The following CTIF variants were observed in gnomAD, a reference collection of about 807,000 sequenced individuals.
The protein encoded by CTIF is cap binding complex dependent translation initiation factor.
CTIF carries 21 observed loss-of-function variants against 66.0 expected under a neutral mutation model. The observed-to-expected ratio is 0.32, with a 90% CI of 0.23 to 0.46. CTIF has a LOEUF of 0.46. Among genes scored for constraint, CTIF ranks in the 20% least tolerant of loss-of-function variants. The pLI is 1.00. For missense variants in CTIF, 739 were observed against 812.7 expected (o/e 0.91, Z 1.10); for synonymous variants, 345 against 326.4 (o/e 1.06, Z -0.62).
chr18:48,560,004 A>G (rs2089116286), intron 1 of CTIF, among the ~76,000 whole-genome samples: 1 of 152,186 alleles, frequency 6.6e-6, no homozygotes, highest in Non-Finnish European at 1.5e-5. Flanking sequence ...GTTTATCCCA[A>G]GAATATGAAA....
chr18:48,541,736 G>GT (rs934955281), intron 1 of CTIF, among the ~76,000 whole-genome samples: 9 of 152,164 alleles, frequency 5.9e-5, no homozygotes, highest in African/African-American at 1.9e-4. Flanking sequence ...CAGCAATTTT[G>GT]TAACACATTC....
At chr18:48,710,101 G>C (rs1340785024) in intron 6 of CTIF, among the ~76,000 whole-genome samples, 1 of 152,238 alleles carries the variant, frequency 6.6e-6, no homozygotes, top group South Asian at 2.1e-4. Flanking sequence ...CCATGAGCTT[G>C]GGGGCTGAGC....
At chr18:48,633,941 A>G (rs1164677898) in intron 2 of CTIF, among the ~76,000 whole-genome samples, 1 of 152,198 alleles carries the variant, frequency 6.6e-6, no homozygotes, top group Admixed American at 6.5e-5. Flanking sequence ...GCAGGAAATT[A>G]ACATTGGTAC....
At chr18:48,796,550 C>T (rs573391661) in intron 9 of CTIF, among the ~76,000 whole-genome samples, 2 of 152,038 alleles carry the variant, frequency 1.3e-5, no homozygotes, top group African/African-American at 2.4e-5. Flanking sequence ...GCCTGTGTGC[C>T]GACAAAGGGA....
In CTIF at chr18:48,666,024, G is replaced by C. The variant is rs66795714; in HGVS notation, c.431+1473G>C. Among the ~76,000 whole-genome samples, 809 of 152,312 alleles carry C rather than the reference G, an allele frequency of 5.3e-3. 3 individuals carry two copies. The highest frequency in any genetic ancestry group is 0.027 in the South Asian group (130 of 4,828). ...ATTCTGTTGAACTCTTTGAGGAGCT[G>C]TCAAACTGTGTTCCATAGCAGCTGA... On this transcript the variant is annotated intron_variant, in intron 5 of 11. Coordinates refer to ENST00000256413, the MANE Select transcript of CTIF (RefSeq NM_014772.3).
chr18:48,672,589 C>T (rs1419810600), intron 6 of CTIF, among the ~76,000 whole-genome samples: 1 of 152,182 alleles, frequency 6.6e-6, no homozygotes, highest in Admixed American at 6.5e-5. Flanking sequence ...GATAAGCGGG[C>T]TTCCTAGAGA....
At chr18:48,689,423 C>T (rs2091893741) in intron 6 of CTIF, among the ~76,000 whole-genome samples, 1 of 152,192 alleles carries the variant, frequency 6.6e-6, no homozygotes. Flanking sequence ...TCACATGCTG[C>T]AGCTTGAATT....
At position 48,811,415 on chromosome 18, in the gene CTIF, A is replaced by G. The variant is rs534230402; in HGVS notation, c.1372-5806A>G. Among the ~76,000 whole-genome samples, 17 of 152,190 alleles carry G rather than the reference A, an allele frequency of 1.1e-4. No homozygotes were observed. In the East Asian group the frequency reaches 3.3e-3, roughly 29 times the overall value. On this transcript the variant is annotated intron_variant, in intron 9 of 11. Coordinates refer to ENST00000256413, the MANE Select transcript of CTIF (RefSeq NM_014772.3). ...TTCTTTTTATTTTTTATTATTTTTA[A>G]TTGTAGTTTTAAAATAACATAAAAT...
intron 1 of CTIF, among the ~76,000 whole-genome samples, chr18:48,572,411 AGAG>A (rs1265855415): frequency 6.6e-6 from 1 of 152,186 alleles, no homozygotes; most frequent in Non-Finnish European, 1.5e-5. Flanking sequence ...CTGGGAATGC[AGAG>A]GAGAGGAGCC....
intron 9 of CTIF, among the ~76,000 whole-genome samples, chr18:48,803,484 A>G (rs1188165310): frequency 3.3e-5 from 5 of 152,216 alleles, no homozygotes; most frequent in Non-Finnish European, 5.9e-5. Flanking sequence ...ATCACCCAGT[A>G]CATCGGGAAT....
At chr18:48,778,708 T>C (rs62103266) in intron 9 of CTIF, among the ~76,000 whole-genome samples, 16,176 of 151,964 alleles carry the variant, frequency 0.11, 902 homozygotes, top group Non-Finnish European at 0.12. Context: ...GAGGTGGCGG[T>C]GAGGATGGGC....
chr18:48,815,822 GCT>G (rs1318151656), intron 9 of CTIF, among the ~76,000 whole-genome samples: 3 of 152,140 alleles, frequency 2.0e-5, no homozygotes, highest in African/African-American at 7.3e-5. Flanking sequence ...CTGTGGGAAT[GCT>G]CTGAGTCACA....
rs150332855 is a variant in CTIF, at chr18:48,648,468, AACACACAC to A, written c.252+11796_252+11803del. Among the ~76,000 whole-genome samples the A allele has an allele frequency of 1.7e-4, 25 of 148,572 alleles. No homozygotes were observed. In the South Asian group the frequency reaches 4.8e-3, roughly 28 times the overall value. ...GTCTGGGGTGCCGTCCTTCGTTCTG[AACACACAC>A]ACACACACACACGCACACACACACA... On this transcript the variant is annotated intron_variant, in intron 3 of 11. Coordinates refer to ENST00000256413, the MANE Select transcript of CTIF (RefSeq NM_014772.3).
chr18:48,557,295 G>A (rs1312985194), intron 1 of CTIF, among the ~76,000 whole-genome samples: 1 of 152,214 alleles, frequency 6.6e-6, no homozygotes, highest in Non-Finnish European at 1.5e-5. Flanking sequence ...TGGAACTCAG[G>A]CTGGTCATGA....
chr18:48,857,518 G>T, intron 10 of CTIF, 70 bp from the exon 11 acceptor site: 1 of 1,432,082 alleles, frequency 7.0e-7, no homozygotes. Flanking sequence ...GGCGGGGGCT[G>T]CAGGGAGCTA....
At chr18:48,753,461 T>A (rs547511852) in intron 7 of CTIF, among the ~76,000 whole-genome samples, 7 of 152,308 alleles carry the variant, frequency 4.6e-5, no homozygotes, top group Middle Eastern at 3.4e-3. Flanking sequence ...GCAGCTGTGG[T>A]GTTCCGAGAA....
At chr18:48,789,137 G>A (rs2067738457) in intron 9 of CTIF, among the ~76,000 whole-genome samples, 1 of 152,148 alleles carries the variant, frequency 6.6e-6, no homozygotes, top group Non-Finnish European at 1.5e-5. Flanking sequence ...CTGAACCATT[G>A]CTTCCTTGGC....
At chr18:48,854,407 GA>G (rs950319981) in intron 10 of CTIF, among the ~76,000 whole-genome samples, 5 of 152,150 alleles carry the variant, frequency 3.3e-5, no homozygotes, top group African/African-American at 1.2e-4. Flanking sequence ...AGAAGTCATG[GA>G]AACCCATGGC....
In CTIF at chr18:48,619,613, C is replaced by T. The variant is rs1328807973; in HGVS notation, c.48C>T (p.Ser16=). The T allele has an allele frequency of 6.2e-7, 1 of 1,602,422 alleles. No homozygotes were observed. The highest frequency in any genetic ancestry group is 1.3e-5 in the African/African-American group (1 of 74,786). Residue 16 remains serine, a synonymous_variant, in exon 2 of 12, where the codon AGC becomes AGT. Coordinates refer to ENST00000256413, the MANE Select transcript of CTIF (RefSeq NM_014772.3). Reference sequence around the variant, plus strand: ...CAGCCTCCTCGGAGGCAGGGAGCAGCCGCTCCCAGGAGATCGAGGAGCTGG... The same window carrying T: ...CAGCCTCCTCGGAGGCAGGGAGCAGTCGCTCCCAGGAGATCGAGGAGCTGG... The part of the protein sequence containing the change: ...AASASSEAGS[S]RSQEIEELER...
Sources: allele counts gnomAD v4.1 joint callset (sites outside exome capture counted in the v4.1 genomes callset), GRCh38; gene constraint gnomAD v4.1.1; transcripts MANE v1.5; gene names NCBI Gene and HGNC (gene_info 2026-07-23, HGNC 2026-07-21).